Variants in UGT1A7 observed in about 807,000 individuals in gnomAD.
UGT1A7 encodes UDP glucuronosyltransferase family 1 member A7, also known as UDP-glucuronosyltransferase 1A7.
UGT1A7 carries 33 observed loss-of-function variants against 45.6 expected under a neutral mutation model. That is an observed-to-expected ratio of 0.72 (90% CI 0.55 to 0.97). UGT1A7 has a LOEUF of 0.97. UGT1A7 is among the 50% of genes least tolerant of loss of function. UGT1A7 has a pLI of 0.00. For missense variants in UGT1A7, 684 were observed against 666.2 expected (o/e 1.03, Z -0.29); for synonymous variants, 274 against 250.6 (o/e 1.09, Z -0.88).
At chr2:233,726,260 G>T (rs2077520293) in intron 1 of UGT1A7, among the ~76,000 whole-genome samples, 1 of 152,196 alleles carries the variant, frequency 6.6e-6, no homozygotes, top group Admixed American at 6.5e-5. Context: ...GGGTGCAGTG[G>T]CATGCGCCTA....
chr2:233,772,284 C>T lies in UGT1A7; in HGVS notation c.1318C>T (p.Leu440Phe), dbSNP rs1445186018. 3.1e-6 allele frequency: 5 copies of T among 1,614,128 alleles called. No homozygotes were observed. Among genetic ancestry groups the T allele is most frequent in the African/African-American group, 1.3e-5 (1 of 74,936 alleles). The change falls in exon 5 of 5, where the codon CTC becomes TTC. Residue 440 changes from leucine to phenylalanine, a missense_variant. Physicochemically the swap from Leu to Phe is conservative, Grantham distance 22. Transcript: ENST00000373426. ...TAGTTACAAGGAGAACATCATGCGC[C>T]TCTCCAGCCTTCACAAGGACCGCCC... Reference protein sequence around the residue: ...DKSYKENIMRLSSLHKDRPVE... With the variant: ...DKSYKENIMRFSSLHKDRPVE...
At chr2:233,734,694 A>G (rs1291043334) in intron 1 of UGT1A7, among the ~76,000 whole-genome samples, 5 of 149,240 alleles carry the variant, frequency 3.4e-5, no homozygotes, top group Non-Finnish European at 7.3e-5. Flanking sequence ...AATGTGTCCC[A>G]GAGATTCTGG....
chr2:233,747,722 G>T (rs554726929), intron 1 of UGT1A7: 13 of 1,612,764 alleles, frequency 8.1e-6, no homozygotes, highest in South Asian at 3.3e-5. Context: ...TTCCTGCTGT[G>T]TTTTTTTTGA....
At chr2:233,735,891 A>C (rs2078706865) in intron 1 of UGT1A7, among the ~76,000 whole-genome samples, 2 of 151,822 alleles carry the variant, frequency 1.3e-5, no homozygotes, top group East Asian at 3.9e-4. Flanking sequence ...TGTTAGTCTG[A>C]TGGGCTTCCC....
intron 1 of UGT1A7, among the ~76,000 whole-genome samples, chr2:233,734,364 G>A (rs1194313083): frequency 6.6e-6 from 1 of 152,040 alleles, no homozygotes; most frequent in East Asian, 1.9e-4. Context: ...TGGGATCGGT[G>A]GTGATATTGC....
intron 1 of UGT1A7, among the ~76,000 whole-genome samples, chr2:233,683,219 A>G (rs2074623574): frequency 6.6e-6 from 1 of 152,196 alleles, no homozygotes. Context: ...TTTTATCAAT[A>G]TAAAATCTAC....
At chr2:233,712,535 T>C (rs1193833371) in intron 1 of UGT1A7, among the ~76,000 whole-genome samples, 1 of 152,206 alleles carries the variant, frequency 6.6e-6, no homozygotes, top group African/African-American at 2.4e-5. Context: ...GTTACCCATA[T>C]GTGGGAAGAA....
At chr2:233,768,557 A>C in intron 4 of UGT1A7, 118 bp downstream of exon 4, 1 of 1,466,482 alleles carries the variant, frequency 6.8e-7, no homozygotes, top group Non-Finnish European at 9.0e-7. Flanking sequence ...AAACAAATAC[A>C]TAAAAATCTG....
chr2:233,712,954 G>C, intron 1 of UGT1A7: 1 of 1,612,846 alleles, frequency 6.2e-7, no homozygotes, highest in East Asian at 2.2e-5. Context: ...GAGGCACAAC[G>C]TGGGGTGGAC....
At position 233,682,006 on chromosome 2, in the gene UGT1A7, C is replaced by A; in HGVS notation, c.69C>A (p.Ala23=). 1 of 1,614,136 alleles carries A rather than the reference C, an allele frequency of 6.2e-7. No individual in the cohort carries two copies. Among genetic ancestry groups the A allele is most frequent in the East Asian group, 2.2e-5 (1 of 44,888 alleles). Residue 23 remains alanine, a synonymous_variant, in exon 1 of 5, where the codon GCC becomes GCA. Coordinates refer to ENST00000373426, the MANE Select transcript of UGT1A7 (RefSeq NM_019077.3). The stretch of plus-strand genomic sequence containing the variant: ...GTCTACTGCTGACCTGTGGCTTTGC[C>A]AAGGCAGGGAAGCTGCTGGTAGTGC... ...YVCLLLTCGF[A]KAGKLLVVPM...
intron 1 of UGT1A7, among the ~76,000 whole-genome samples, chr2:233,687,898 A>G (rs1431365318): frequency 6.6e-6 from 1 of 152,168 alleles, no homozygotes; most frequent in Non-Finnish European, 1.5e-5. Context: ...ATAGACTAAG[A>G]CCTTGTCTCA....
At chr2:233,725,215 C>G (rs1487154592) in intron 1 of UGT1A7, among the ~76,000 whole-genome samples, 2 of 85,916 alleles carry the variant, frequency 2.3e-5, no homozygotes, top group African/African-American at 2.0e-4. Context: ...GAGGCAGAGG[C>G]AGAGGAGGCA....
At chr2:233,747,723 T>C in intron 1 of UGT1A7, 1 of 1,612,498 alleles carries the variant, frequency 6.2e-7, no homozygotes, top group Non-Finnish European at 8.5e-7. Flanking sequence ...TCCTGCTGTG[T>C]TTTTTTTGAG....
intron 1 of UGT1A7, among the ~76,000 whole-genome samples, chr2:233,757,948 G>A (rs1469946422): frequency 6.6e-6 from 1 of 152,076 alleles, no homozygotes; most frequent in Non-Finnish European, 1.5e-5. Flanking sequence ...TCATATTGCT[G>A]CCCTGCTGTG....
intron 1 of UGT1A7, among the ~76,000 whole-genome samples, chr2:233,688,089 C>T (rs961987939): frequency 6.6e-6 from 1 of 152,206 alleles, no homozygotes; most frequent in African/African-American, 2.4e-5. Flanking sequence ...GCAGTCACTC[C>T]TTATTTCTCC....
chr2:233,721,385 T>G (rs1270224994), intron 1 of UGT1A7: 1 of 152,820 alleles, frequency 6.5e-6, no homozygotes, highest in Admixed American at 6.5e-5. Context: ...TTCACTCTCA[T>G]TTTTCTAGCT....
intron 3 of UGT1A7, 52 bp downstream of exon 3, chr2:233,767,988 A>T: frequency 3.1e-6 from 5 of 1,614,160 alleles, no homozygotes; most frequent in Non-Finnish European, 3.4e-6. Context: ...AATTAAGAAA[A>T]TGGCTTAAGC....
intron 1 of UGT1A7, among the ~76,000 whole-genome samples, chr2:233,757,667 T>C (rs1696692140): frequency 6.6e-6 from 1 of 151,042 alleles, no homozygotes; most frequent in South Asian, 2.1e-4. Context: ...ATTTTGGAAA[T>C]TCAAGGAATT....
intron 1 of UGT1A7, among the ~76,000 whole-genome samples, chr2:233,733,630 C>T (rs2078422347): frequency 6.6e-6 from 1 of 152,174 alleles, no homozygotes; most frequent in Non-Finnish European, 1.5e-5. Context: ...ATATGTTGAA[C>T]CAGCCTTGCA....
Sources: allele counts gnomAD v4.1 joint callset (sites outside exome capture counted in the v4.1 genomes callset), GRCh38; gene constraint gnomAD v4.1.1; transcripts MANE v1.5; gene names NCBI Gene and HGNC (gene_info 2026-07-23, HGNC 2026-07-21).